ZNF728: variants seen among roughly 807,000 people sequenced by gnomAD.
ZNF728 encodes zinc finger protein 728.
A neutral mutation model predicts 12.5 loss-of-function variants in ZNF728; 12 were observed. The observed-to-expected ratio is 0.96, with a 90% CI of 0.61 to 1.55. The LOEUF (loss-of-function observed/expected upper bound fraction) is 1.55. Ranked by LOEUF, ZNF728 falls within the 40% of genes most tolerant of loss-of-function variation. ZNF728 has a pLI of 0.00. For missense variants in ZNF728, 692 were observed against 719.2 expected, an observed-to-expected ratio of 0.96 and a Z score of 0.43; for synonymous variants, 205 against 240.7, an observed-to-expected ratio of 0.85 and a Z score of 1.37.
At chr19:22,996,655 G>T (rs1353683481) in intron 1 of ZNF728, among the ~76,000 whole-genome samples, 1 of 152,102 alleles carries the variant, frequency 6.6e-6, no homozygotes, top group Non-Finnish European at 1.5e-5. Flanking sequence ...AGAAAGCAAT[G>T]AATCTCAGGT....
intron 3 of ZNF728, among the ~76,000 whole-genome samples, chr19:22,979,339 A>C (rs1490981519): frequency 6.6e-6 from 1 of 152,174 alleles, no homozygotes; most frequent in Non-Finnish European, 1.5e-5. Flanking sequence ...GAAATGAACA[A>C]AGCCTCCAAG....
Position 22,975,753 on chromosome 19 carries a change from T to C in ZNF728, c.1584A>G (p.Val528=), listed in dbSNP as rs762344129. The part of the protein sequence containing the change: ...SKVANLTKHK[V]IHTGEKQYKC... ...TGTATTGTTTCTCTCCAGTATGAAT[T>C]ACCTTATGTTTAGTAAGGTTTGCAA... The change falls in exon 4 of 4, where the codon GTA becomes GTG. Residue 528 remains valine, a synonymous_variant. Transcript: ENST00000594710. The C allele has an allele frequency of 1.2e-5, 19 of 1,611,902 alleles. No individual in the cohort carries two copies. In the South Asian group the frequency reaches 1.8e-4, roughly 15 times the overall value.
chr19:22,975,685 A>C lies in ZNF728; in HGVS notation c.1652T>G (p.Leu551Arg). 1.2e-6 allele frequency: 2 copies of C among 1,611,924 alleles called. No individual in the cohort carries two copies. The highest frequency in any genetic ancestry group is 1.7e-6 in the Non-Finnish European group (2 of 1,179,850). The change falls in exon 4 of 4, where the codon CTT (leucine) becomes CGT (arginine). Residue 551 changes from leucine to arginine, a missense_variant. By Grantham distance (102) the Leu-to-Arg change is moderately radical. Coordinates refer to ENST00000594710, the MANE Select transcript of ZNF728 (RefSeq NM_001267716.2). ...AGTATGAATTCTCTTATGTTCACTA[A>C]GTCTTGAGGACCAGATGAAGGCTTT... ...CGKAFIWSSRLSEHKRIHTGE... is the reference protein window; with the variant it reads ...CGKAFIWSSRRSEHKRIHTGE...
At chr19:23,002,907 G>C in intron 1 of ZNF728, 121 bp downstream of exon 1, 1 of 1,350,744 alleles carries the variant, frequency 7.4e-7, no homozygotes, top group Non-Finnish European at 1.0e-6. Flanking sequence ...TAGGCAAGGA[G>C]AACACGGGGC....
intron 1 of ZNF728, among the ~76,000 whole-genome samples, chr19:22,993,328 G>A (rs1427622804): frequency 6.6e-6 from 1 of 152,184 alleles, no homozygotes; most frequent in East Asian, 1.9e-4. Flanking sequence ...CCAGGCAGAG[G>A]CCAGCCAGAT....
chr19:23,001,883 G>T (rs1320570695), intron 1 of ZNF728, among the ~76,000 whole-genome samples: 2 of 152,176 alleles, frequency 1.3e-5, no homozygotes, highest in Admixed American at 6.6e-5. Context: ...AGAAATAGGG[G>T]ATGGGGGATG....
Position 22,976,952 on chromosome 19 carries a change from C to CT in ZNF728, c.384dup (p.Gly129ArgfsTer3), listed in dbSNP as rs766508069. 1.1e-5 allele frequency: 18 copies of CT among 1,613,248 alleles called. No homozygotes were observed. Among genetic ancestry groups the CT allele is most frequent in the Non-Finnish European group, 1.4e-5 (16 of 1,179,752 alleles). On this transcript the variant is annotated frameshift_variant, in exon 4 of 4. Transcript: ENST00000594710. LOFTEE classifies it low-confidence loss of function (END_TRUNC). The stretch of plus-strand genomic sequence containing the variant: ...AAACTCTGGTTAAGCTTATTATAAC[C>CT]TTTTTTGTGCACCTTACACTCATCC...
chr19:23,000,750 C>A (rs1167933139), intron 1 of ZNF728, among the ~76,000 whole-genome samples: 3 of 151,610 alleles, frequency 2.0e-5, no homozygotes, highest in Non-Finnish European at 2.9e-5. Context: ...CACCTGTAGT[C>A]CCACCTACTT....
Position 22,976,348 on chromosome 19 carries a change from T to C in ZNF728, c.989A>G (p.His330Arg), listed in dbSNP as rs988614340. The change falls in exon 4 of 4, where the codon CAT (histidine) becomes CGT (arginine). Residue 330 changes from histidine (H) to arginine (R), a missense_variant. Around this residue, in one of 3 missense-constraint regions of ZNF728, gnomAD observed 440 missense variants for 459.6 expected, o/e 0.96. Transcript: ENST00000594710. ...AFNRSSNLME[H>R]KRIHTGEKPC... ...CTTCTCTCCAGTATGAATTCTCTTA[T>C]GTTCCATAAGGTTTGAGGACCGGTT... 15 of 1,613,440 alleles carry C rather than the reference T, an allele frequency of 9.3e-6. No individual in the cohort carries two copies. Among genetic ancestry groups the C allele is most frequent in the Non-Finnish European group, 1.3e-5 (15 of 1,179,938 alleles).
rs764214550 is a variant in ZNF728 at position 22,988,305 on chromosome 19, C to T, written c.130+20G>A. 1.7e-5 allele frequency: 27 copies of T among 1,613,938 alleles called. No homozygotes were observed. The highest frequency in any genetic ancestry group is 5.5e-5 in the South Asian group (5 of 91,068). On this transcript the variant is annotated intron_variant, in intron 2 of 3. Coordinates refer to ENST00000594710, the MANE Select transcript of ZNF728 (RefSeq NM_001267716.2). ...AACCTATAGTGTATACTAGGAATTG[C>T]GTATTAAAGTTATTCTCACCCAGGA...
chr19:22,982,196 T>C (rs549494111), intron 3 of ZNF728, among the ~76,000 whole-genome samples: 3 of 152,316 alleles, frequency 2.0e-5, no homozygotes, highest in South Asian at 2.1e-4. Flanking sequence ...AAAATCAATG[T>C]GCAAAAATCA....
rs369090986 is a variant in ZNF728, at chr19:23,003,145, C to G, written c.-115G>C. The stretch of plus-strand genomic sequence containing the variant: ...GGACGACACACAGCAGTAAGGACGA[C>G]ACCTTGACCTCCGCGTGCAGCGAGA... On this transcript the variant is annotated 5_prime_UTR_variant, in exon 1 of 4. Coordinates refer to ENST00000594710, the MANE Select transcript of ZNF728 (RefSeq NM_001267716.2). 2 of 1,249,196 alleles carry G rather than the reference C, an allele frequency of 1.6e-6. No homozygotes were observed. Among genetic ancestry groups the G allele is most frequent in the East Asian group, 2.7e-5 (1 of 37,100 alleles). The allele number at this position is 1,249,196 out of a possible 1,614,324, so 77.4% of individuals were successfully genotyped here. A position where few individuals can be genotyped will look rare whatever the true frequency, so the allele number is the denominator to read the frequency against.
At chr19:22,997,916 A>C (rs1377809291) in intron 1 of ZNF728, among the ~76,000 whole-genome samples, 1 of 152,158 alleles carries the variant, frequency 6.6e-6, no homozygotes, top group Non-Finnish European at 1.5e-5. Flanking sequence ...GCTAACAAGC[A>C]TATAAAAAAA....
intron 3 of ZNF728, 95 bp downstream of exon 3, chr19:22,987,213 C>A (rs1468124142): frequency 3.5e-6 from 4 of 1,151,522 alleles, no homozygotes; most frequent in African/African-American, 3.2e-5. Context: ...GAAACTATTT[C>A]TTTTGGAACA....
Position 22,988,339 on chromosome 19 carries a change from T to C in ZNF728, c.116A>G (p.Asn39Ser), listed in dbSNP as rs1300386389. Residue 39 changes from asparagine (N) to serine (S), a missense_variant, in exon 2 of 4, where the codon AAC becomes AGC. Asn to Ser is a conservative substitution (Grantham distance 46). Coordinates refer to ENST00000594710, the MANE Select transcript of ZNF728 (RefSeq NM_001267716.2). ...YRNVMLENYRNLVFLGIAAPK... is the reference protein window; with the variant it reads ...YRNVMLENYRSLVFLGIAAPK... ...GTTATTCTCACCCAGGAAGACCAGG[T>C]TTCTGTAGTTCTCTAACATCACATT... is the stretch of plus-strand genomic sequence containing the variant. 1.9e-6 allele frequency: 3 copies of C among 1,614,136 alleles called. No homozygotes were observed. Among genetic ancestry groups the C allele is most frequent in the Non-Finnish European group, 2.5e-6 (3 of 1,180,012 alleles).
At chr19:22,991,464 T>C (rs1342548251) in intron 1 of ZNF728, among the ~76,000 whole-genome samples, 1 of 152,220 alleles carries the variant, frequency 6.6e-6, no homozygotes, top group Non-Finnish European at 1.5e-5. Context: ...AAGAATTTAA[T>C]GCAATTTAGA....
At chr19:22,997,646 T>A (rs1358803525) in intron 1 of ZNF728, among the ~76,000 whole-genome samples, 1 of 149,918 alleles carries the variant, frequency 6.7e-6, no homozygotes, top group African/African-American at 2.5e-5. Flanking sequence ...AGGCAAGAAG[T>A]AACCAAAATC....
intron 1 of ZNF728, among the ~76,000 whole-genome samples, chr19:22,996,069 T>A (rs1462138242): frequency 6.6e-6 from 1 of 152,162 alleles, no homozygotes; most frequent in Admixed American, 6.6e-5. Context: ...TAATATCTAC[T>A]GCAACGATTT....
At chr19:22,991,964 T>G (rs1968992901) in intron 1 of ZNF728, among the ~76,000 whole-genome samples, 1 of 152,250 alleles carries the variant, frequency 6.6e-6, no homozygotes, top group Non-Finnish European at 1.5e-5. Flanking sequence ...ATAAGCAATT[T>G]TAAAAATCCC....
Sources: allele counts gnomAD v4.1 joint callset (sites outside exome capture counted in the v4.1 genomes callset), GRCh38; gene constraint gnomAD v4.1.1; regional missense constraint gnomAD v4.1.1; transcripts MANE v1.5; gene names NCBI Gene and HGNC (gene_info 2026-07-23, HGNC 2026-07-21).